The following CAP2 variants were observed in gnomAD, a reference collection of about 807,000 sequenced individuals.
CAP2 encodes cyclase associated actin cytoskeleton regulatory protein 2.
In CAP2, 24 loss-of-function variants were observed where a neutral mutation model predicts 57.7. The ratio of observed to expected loss-of-function variants is 0.42; its 90% CI spans 0.30 to 0.58. The LOEUF is 0.58. Among genes scored for constraint, CAP2 ranks in the 20% least tolerant of loss-of-function variants. The pLI is 0.22. For synonymous variants in CAP2, 194 were observed against 207.2 expected (o/e 0.94, Z 0.55); for missense variants, 501 against 590.3 (o/e 0.85, Z 1.57).
intron 3 of CAP2, among the ~76,000 whole-genome samples, chr6:17,453,901 C>CTTTCT (rs780118998): frequency 1.7e-5 from 2 of 114,966 alleles, no homozygotes; most frequent in African/African-American, 7.6e-5. Context: ...TCTTTTTATT[C>CTTTCT]TTTTTTTTTT....
intron 6 of CAP2, among the ~76,000 whole-genome samples, chr6:17,511,271 C>G (rs78011386): frequency 6.6e-6 from 1 of 152,032 alleles, no homozygotes; most frequent in African/African-American, 2.4e-5. Context: ...GACTCAAGCC[C>G]GTGGTGCCGT....
At chr6:17,404,664 G>T (rs1235542933) in intron 1 of CAP2, among the ~76,000 whole-genome samples, 1 of 151,080 alleles carries the variant, frequency 6.6e-6, no homozygotes, top group Admixed American at 6.6e-5. Context: ...CCAGTTACTT[G>T]GGAGGCTGAG....
chr6:17,543,010 CTG>C (rs752454203), intron 10 of CAP2, 49 bp from the exon 11 acceptor site: 1 of 1,611,726 alleles, frequency 6.2e-7, no homozygotes, highest in African/African-American at 1.3e-5. Context: ...TATAAACAAG[CTG>C]TATGTATTTA....
intron 7 of CAP2, chr6:17,536,197 A>G (rs544211065): frequency 1.3e-5 from 6 of 456,724 alleles, no homozygotes; most frequent in African/African-American, 1.0e-4. Context: ...ACATAAGAGA[A>G]TATAGAAAGT....
chr6:17,442,260 A>G (rs1475538766), intron 3 of CAP2, among the ~76,000 whole-genome samples: 4 of 152,202 alleles, frequency 2.6e-5, no homozygotes, highest in Non-Finnish European at 5.9e-5. Context: ...CTCCAAGTTG[A>G]CCATGAACTT....
chr6:17,555,864 G>A (rs947893958), intron 12 of CAP2, among the ~76,000 whole-genome samples: 4 of 152,120 alleles, frequency 2.6e-5, no homozygotes, highest in Admixed American at 6.5e-5. Context: ...ACTGCACCCG[G>A]CCAGAATCTG....
chr6:17,549,190 G>C (rs914640908), intron 11 of CAP2, among the ~76,000 whole-genome samples: 2 of 152,142 alleles, frequency 1.3e-5, no homozygotes, highest in Non-Finnish European at 2.9e-5. Flanking sequence ...GCTGCTGGGC[G>C]CGGTGGCTCA....
chr6:17,456,028 T>C (rs1036830524), intron 3 of CAP2, among the ~76,000 whole-genome samples: 1 of 152,188 alleles, frequency 6.6e-6, no homozygotes, highest in African/African-American at 2.4e-5. Context: ...CATCTGCTAA[T>C]GAAAATGGAA....
At chr6:17,521,066 C>T (rs796345272) in intron 7 of CAP2, among the ~76,000 whole-genome samples, 6 of 152,238 alleles carry the variant, frequency 3.9e-5, no homozygotes, top group East Asian at 1.9e-4. Flanking sequence ...TCTGGGTGGC[C>T]AGTTACTCTT....
intron 3 of CAP2, among the ~76,000 whole-genome samples, chr6:17,443,634 C>T (rs1230289493): frequency 6.6e-6 from 1 of 151,632 alleles, no homozygotes; most frequent in Non-Finnish European, 1.5e-5. Flanking sequence ...ATGAATTCCT[C>T]ATGATATTGT....
intron 7 of CAP2, among the ~76,000 whole-genome samples, chr6:17,533,078 C>CAAAAAAAAAAAA (rs58337644): frequency 3.4e-5 from 3 of 87,556 alleles, no homozygotes; most frequent in Non-Finnish European, 4.5e-5. Context: ...CACCCCCCAC[C>CAAAAAAAAAAAA]AAAAAAAAAA....
chr6:17,399,768 G>GAA (rs1172318904), intron 1 of CAP2, among the ~76,000 whole-genome samples: 2 of 152,184 alleles, frequency 1.3e-5, no homozygotes, highest in African/African-American at 4.8e-5. Context: ...CTGCAATATA[G>GAA]AAGTCTGATC....
At chr6:17,484,628 C>T (rs116034783) in intron 4 of CAP2, among the ~76,000 whole-genome samples, 2,256 of 152,118 alleles carry the variant, frequency 0.015, 59 homozygotes, top group African/African-American at 0.051. Context: ...CATTTGGGGC[C>T]GAGCATGTAT....
At chr6:17,481,830 C>CT (rs1167744921) in intron 4 of CAP2, among the ~76,000 whole-genome samples, 1 of 152,202 alleles carries the variant, frequency 6.6e-6, no homozygotes, top group Non-Finnish European at 1.5e-5. Context: ...CCTCCAAAGT[C>CT]TAAGGAGAGA....
At chr6:17,444,264 A>G (rs931467285) in intron 3 of CAP2, among the ~76,000 whole-genome samples, 3 of 152,214 alleles carry the variant, frequency 2.0e-5, no homozygotes, top group Non-Finnish European at 4.4e-5. Context: ...TCAAATTATT[A>G]AGGAAGAATG....
chr6:17,498,603 G>A (rs1040621259), intron 4 of CAP2, among the ~76,000 whole-genome samples: 1 of 151,974 alleles, frequency 6.6e-6, no homozygotes, highest in Non-Finnish European at 1.5e-5. Flanking sequence ...TCAGTAAAGG[G>A]GCATCGTAAT....
At chr6:17,414,415 C>A (rs1759225346) in intron 1 of CAP2, among the ~76,000 whole-genome samples, 4 of 152,134 alleles carry the variant, frequency 2.6e-5, no homozygotes, top group Admixed American at 2.6e-4. Flanking sequence ...AGTCCCCATC[C>A]CCCAATAGGC....
chr6:17,540,936 C>G, intron 8 of CAP2, 37 bp from the exon 9 acceptor site: 1 of 1,565,682 alleles, frequency 6.4e-7, no homozygotes, highest in South Asian at 1.2e-5. Flanking sequence ...TTTCCCTTTG[C>G]ATAAAATAAA....
intron 3 of CAP2, among the ~76,000 whole-genome samples, chr6:17,450,039 C>T (rs535770028): frequency 6.6e-6 from 1 of 151,916 alleles, no homozygotes; most frequent in South Asian, 2.1e-4. Flanking sequence ...AAAAGAAAAC[C>T]ATTTATCAGT....
Sources: allele counts gnomAD v4.1 joint callset (sites outside exome capture counted in the v4.1 genomes callset), GRCh38; gene constraint gnomAD v4.1.1; transcripts MANE v1.5; gene names NCBI Gene and HGNC (gene_info 2026-07-23, HGNC 2026-07-21).